Variants in PRKAR2B observed in about 807,000 individuals in gnomAD.
PRKAR2B encodes protein kinase cAMP-dependent type II regulatory subunit beta.
A neutral mutation model predicts 49.9 loss-of-function variants in PRKAR2B; 14 were observed. That is an observed-to-expected ratio of 0.28 (90% confidence interval 0.19 to 0.44). PRKAR2B has a LOEUF of 0.44. Among genes scored for constraint, PRKAR2B ranks in the 20% least tolerant of loss-of-function variants. The probability of loss-of-function intolerance (pLI) is 1.00; values close to 1 mark genes in which losing one functional copy is unlikely to be tolerated. For missense variants in PRKAR2B, 393 were observed against 537.9 expected, an observed-to-expected ratio of 0.73 and a Z score of 2.67; for synonymous variants, 196 against 197.7, an observed-to-expected ratio of 0.99 and a Z score of 0.07.
chr7:107,061,876 G>A (rs1584405425), intron 1 of PRKAR2B, among the ~76,000 whole-genome samples: 2 of 152,232 alleles, frequency 1.3e-5, no homozygotes, highest in East Asian at 1.9e-4. Flanking sequence ...CAACCTGGGC[G>A]ACAGAGTGAG....
At position 107,132,422 on chromosome 7, in the gene PRKAR2B, C is replaced by T. The variant is rs557042643; in HGVS notation, c.480+4127C>T. Reference sequence around the variant, plus strand: ...TCTAAGGTCACTTTGGTGGTAATGTCGAAGATGGAGTTAAAGAGGGGAGAA... The same window carrying T: ...TCTAAGGTCACTTTGGTGGTAATGTTGAAGATGGAGTTAAAGAGGGGAGAA... On this transcript the variant is annotated intron_variant, in intron 4 of 10. Coordinates refer to ENST00000265717, the MANE Select transcript of PRKAR2B (RefSeq NM_002736.3). 2.6e-5 allele frequency among the ~76,000 whole-genome samples: 4 copies of T among 151,924 alleles called. No individual in the cohort carries two copies. The South Asian group carries it at 8.3e-4, about 32-fold the overall frequency.
At chr7:107,085,555 T>C (rs998554396) in intron 2 of PRKAR2B, among the ~76,000 whole-genome samples, 5 of 152,188 alleles carry the variant, frequency 3.3e-5, no homozygotes, top group African/African-American at 1.2e-4. Context: ...AAGGGTTGTG[T>C]CTCTACAGTG....
chr7:107,154,952 C>T (rs1796053639), intron 8 of PRKAR2B, among the ~76,000 whole-genome samples: 1 of 152,196 alleles, frequency 6.6e-6, no homozygotes, highest in Admixed American at 6.5e-5. Flanking sequence ...AATGTCAAGG[C>T]CCACATCTGC....
At chr7:107,058,288 GA>G (rs1233699099) in intron 1 of PRKAR2B, among the ~76,000 whole-genome samples, 1 of 152,098 alleles carries the variant, frequency 6.6e-6, no homozygotes, top group South Asian at 2.1e-4. Context: ...GATGCTTGTA[GA>G]AAAACAAAAC....
chr7:107,137,191 C>A (rs902144864), intron 4 of PRKAR2B, among the ~76,000 whole-genome samples: 2 of 152,190 alleles, frequency 1.3e-5, no homozygotes, highest in Admixed American at 1.3e-4. Context: ...GAAACTTCCA[C>A]CCAACAGTCC....
At chr7:107,046,013 C>G (rs1208335522) in intron 1 of PRKAR2B, among the ~76,000 whole-genome samples, 1 of 152,050 alleles carries the variant, frequency 6.6e-6, no homozygotes, top group Non-Finnish European at 1.5e-5. Flanking sequence ...GAATGAAAAG[C>G]CAGTGAGTAA....
chr7:107,141,101 T>G (rs529391459), intron 5 of PRKAR2B, 148 bp downstream of exon 5: 10 of 547,804 alleles, frequency 1.8e-5, no homozygotes, highest in Admixed American at 3.5e-5. Flanking sequence ...AAACCTGTTG[T>G]GAGTACATGC....
intron 7 of PRKAR2B, 140 bp from the exon 8 acceptor site, chr7:107,153,037 A>G (rs1460622269): frequency 2.4e-6 from 1 of 418,142 alleles, no homozygotes; most frequent in African/African-American, 2.0e-5. Context: ...GCTGGCTGGT[A>G]ATTAATACAA....
chr7:107,062,930 T>C (rs1403118251), intron 1 of PRKAR2B, among the ~76,000 whole-genome samples: 2 of 152,242 alleles, frequency 1.3e-5, no homozygotes, highest in East Asian at 3.9e-4. Context: ...GTGTTAAAAG[T>C]CTATTTTATG....
Position 107,159,527 on chromosome 7 carries a change from A to G in PRKAR2B, c.1202A>G (p.Glu401Gly). 1 of 1,614,122 alleles carries G rather than the reference A, an allele frequency of 6.2e-7. No homozygotes were observed. Among genetic ancestry groups the G allele is most frequent in the Non-Finnish European group, 8.5e-7 (1 of 1,179,964 alleles). ...IMKRNIATYE[E>G]QLVALFGTNM... ...AAAAGGAACATCGCTACCTATGAAG[A>G]ACAGTTAGTTGCCCTGTTTGGAACG... is the stretch of plus-strand genomic sequence containing the variant. Residue 401 changes from glutamate to glycine, a missense_variant, in exon 11 of 11, where the codon GAA becomes GGA. Physicochemically the swap from Glu to Gly is moderately conservative, Grantham distance 98. Transcript: ENST00000265717.
At chr7:107,064,285 T>A (rs74620117) in intron 1 of PRKAR2B, among the ~76,000 whole-genome samples, 10,773 of 152,316 alleles carry the variant, frequency 0.071, 535 homozygotes, top group South Asian at 0.18. Context: ...TTTTTCTAAT[T>A]TAATCATTCT....
At chr7:107,056,542 A>G (rs1265011097) in intron 1 of PRKAR2B, among the ~76,000 whole-genome samples, 1 of 152,120 alleles carries the variant, frequency 6.6e-6, no homozygotes, top group Non-Finnish European at 1.5e-5. Flanking sequence ...ATCCCTTGTA[A>G]GTTGATTCCT....
chr7:107,096,419 G>A (rs1219269192), intron 2 of PRKAR2B, among the ~76,000 whole-genome samples: 3 of 150,446 alleles, frequency 2.0e-5, no homozygotes, highest in South Asian at 2.1e-4. Flanking sequence ...TCTTGCTAGC[G>A]GTCTGTCAAT....
intron 2 of PRKAR2B, among the ~76,000 whole-genome samples, chr7:107,076,647 A>T (rs958953265): frequency 2.0e-5 from 3 of 152,176 alleles, no homozygotes; most frequent in African/African-American, 7.2e-5. Flanking sequence ...ATTATTTCTT[A>T]TAATAGAAGG....
intron 2 of PRKAR2B, among the ~76,000 whole-genome samples, chr7:107,079,971 G>T (rs931301070): frequency 6.6e-6 from 1 of 152,198 alleles, no homozygotes; most frequent in African/African-American, 2.4e-5. Flanking sequence ...ATAGTTACAG[G>T]GTGAGCCTGC....
At chr7:107,145,520 T>C (rs1416327920) in intron 5 of PRKAR2B, among the ~76,000 whole-genome samples, 1 of 152,180 alleles carries the variant, frequency 6.6e-6, no homozygotes, top group Non-Finnish European at 1.5e-5. Context: ...ACTATTCTTA[T>C]GCTTTTAGAT....
chr7:107,117,483 C>T (rs769174972), intron 2 of PRKAR2B, among the ~76,000 whole-genome samples: 1 of 152,170 alleles, frequency 6.6e-6, no homozygotes, highest in Non-Finnish European at 1.5e-5. Flanking sequence ...ACTGTATTTG[C>T]CTTTTATTCC....
At chr7:107,129,502 T>C (rs569729165) in intron 4 of PRKAR2B, among the ~76,000 whole-genome samples, 5 of 152,304 alleles carry the variant, frequency 3.3e-5, no homozygotes, top group African/African-American at 1.2e-4. Context: ...CGCACTAGGC[T>C]CTCAAAAGAA....
At chr7:107,048,962 G>A (rs1793752372) in intron 1 of PRKAR2B, among the ~76,000 whole-genome samples, 1 of 152,194 alleles carries the variant, frequency 6.6e-6, no homozygotes, top group Non-Finnish European at 1.5e-5. Context: ...CATCTACTCT[G>A]TCTCCCTCTT....
Sources: gnomAD v4.1 joint callset for allele counts (sites outside exome capture counted in the v4.1 genomes callset) on GRCh38, gnomAD v4.1.1 for gene constraint, MANE v1.5 for transcripts, NCBI Gene and HGNC (gene_info 2026-07-23, HGNC 2026-07-21) for gene names.